The following RPA1 variants were observed in gnomAD, a reference collection of about 807,000 sequenced individuals.
The protein encoded by RPA1 is replication protein A1.
A neutral mutation model predicts 83.0 loss-of-function variants in RPA1; 49 were observed. That is an observed-to-expected ratio of 0.59 (90% confidence interval 0.47 to 0.75). The LOEUF is 0.75. RPA1 is among the 30% of genes least tolerant of loss of function. RPA1 has a pLI of 0.00. For missense variants in RPA1, 693 were observed against 776.1 expected (o/e 0.89, Z 1.27); for synonymous variants, 279 against 281.8 (o/e 0.99, Z 0.10).
At chr17:1,830,365 A>G (rs560520067) in intron 1 of RPA1, among the ~76,000 whole-genome samples, 1 of 152,302 alleles carries the variant, frequency 6.6e-6, no homozygotes, top group Admixed American at 6.5e-5. Flanking sequence ...CAAACTAAAT[A>G]AACGCTTGCC....
intron 1 of RPA1, among the ~76,000 whole-genome samples, chr17:1,838,471 C>T (rs1911908553): frequency 1.3e-5 from 2 of 151,598 alleles, no homozygotes; most frequent in African/African-American, 2.4e-5. Flanking sequence ...GGCGTGGTGG[C>T]GCATGCCTGT....
chr17:1,830,369 G>A (rs137953730), intron 1 of RPA1, among the ~76,000 whole-genome samples: 14 of 152,160 alleles, frequency 9.2e-5, no homozygotes, highest in African/African-American at 3.4e-4. Context: ...CTAAATAAAC[G>A]CTTGCCTTTC....
intron 1 of RPA1, among the ~76,000 whole-genome samples, chr17:1,841,153 A>G (rs1234327062): frequency 6.6e-6 from 1 of 152,232 alleles, no homozygotes; most frequent in Non-Finnish European, 1.5e-5. Context: ...TATTGCTAGT[A>G]TATTGAAATA....
chr17:1,893,956 G>T (rs2151292948), intron 15 of RPA1, among the ~76,000 whole-genome samples: 1 of 151,798 alleles, frequency 6.6e-6, no homozygotes, highest in Non-Finnish European at 1.5e-5. Context: ...AAACTCTTGG[G>T]CTCAGACAGT....
chr17:1,888,599 G>A (rs1914082279), intron 13 of RPA1, 76 bp from the exon 14 acceptor site: 1 of 1,465,168 alleles, frequency 6.8e-7, no homozygotes, highest in East Asian at 2.3e-5. Flanking sequence ...CGTAAGGGCA[G>A]GCTTTGAGCT....
Position 1,883,722 on chromosome 17 carries a change from T to C in RPA1, c.1242-90T>C, listed in dbSNP as rs1913885990. 16 of 1,569,000 alleles carry C rather than the reference T, an allele frequency of 1.0e-5. No individual in the cohort carries two copies. The South Asian group carries it at 1.6e-4, about 16-fold the overall frequency. On this transcript the variant is annotated intron_variant, in intron 12 of 16. Coordinates refer to ENST00000254719, the MANE Select transcript of RPA1 (RefSeq NM_002945.5). ...AAAGCTGGGCGGGTGGTGGGAAACC[T>C]GTGTCTGTCGCGTAGCAGCAAGTTG...
chr17:1,880,753 C>T (rs893208231), intron 12 of RPA1, 62 bp downstream of exon 12: 10 of 1,595,562 alleles, frequency 6.3e-6, no homozygotes, highest in African/African-American at 1.3e-5. Context: ...AAGCTGGTTA[C>T]AATCAGCATG....
intron 1 of RPA1, among the ~76,000 whole-genome samples, chr17:1,841,551 G>T (rs1300532599): frequency 2.0e-5 from 3 of 152,130 alleles, no homozygotes; most frequent in Non-Finnish European, 4.4e-5. Flanking sequence ...TGATTTGCCC[G>T]CCACAGCCTC....
At chr17:1,878,265 C>T (rs1189604078) in intron 8 of RPA1, among the ~76,000 whole-genome samples, 1 of 152,104 alleles carries the variant, frequency 6.6e-6, no homozygotes, top group Non-Finnish European at 1.5e-5. Context: ...AAATGTACTT[C>T]AGCATTCTTT....
At chr17:1,861,852 G>T (rs149432539) in intron 5 of RPA1, among the ~76,000 whole-genome samples, 1 of 151,768 alleles carries the variant, frequency 6.6e-6, no homozygotes, top group East Asian at 1.9e-4. Context: ...AGCCTCCTCA[G>T]TAGCTGGGAT....
intron 15 of RPA1, among the ~76,000 whole-genome samples, chr17:1,893,815 G>A (rs1251058435): frequency 6.6e-6 from 1 of 151,880 alleles, no homozygotes; most frequent in Non-Finnish European, 1.5e-5. Flanking sequence ...TAAATACAGA[G>A]GCTGAAATCA....
At position 1,883,948 on chromosome 17, in the gene RPA1, C is replaced by G. The variant is rs201146359; in HGVS notation, c.1374+4C>G. The G allele has an allele frequency of 6.2e-7, 1 of 1,613,504 alleles. No homozygotes were observed. The highest frequency in any genetic ancestry group is 1.3e-5 in the African/African-American group (1 of 74,984). On this transcript the variant is annotated splice_donor_region_variant and intron_variant, in intron 13 of 16. Transcript: ENST00000254719. ...GAACCTGGGCCAAGGCGACAAGGTA[C>G]CCAGCATTCCTAACCACCTTCACAA...
chr17:1,883,784 C>T lies in RPA1; in HGVS notation c.1242-28C>T, dbSNP rs200801007. On this transcript the variant is annotated intron_variant, in intron 12 of 16. Transcript: ENST00000254719. The stretch of plus-strand genomic sequence containing the variant: ...GCAGAAGCATGTCACATCAAGCGCT[C>T]GTCATCGTTATTCGTTCACGTTTTC... The T allele has an allele frequency of 2.0e-3, 3,283 of 1,613,356 alleles. 5 individuals are homozygous for T. The highest frequency in any genetic ancestry group is 2.6e-3 in the Non-Finnish European group (3,053 of 1,179,462).
intron 2 of RPA1, 107 bp from the exon 3 acceptor site, chr17:1,843,813 C>A: frequency 1.3e-6 from 1 of 777,154 alleles, no homozygotes; most frequent in Non-Finnish European, 2.2e-6. Flanking sequence ...AATGGGCAAA[C>A]AGTTTGTGTT....
chr17:1,838,119 C>T (rs192967926), intron 1 of RPA1, among the ~76,000 whole-genome samples: 1 of 151,156 alleles, frequency 6.6e-6, no homozygotes, highest in Admixed American at 6.6e-5. Context: ...TGGAGAAATC[C>T]CGTCTCTACT....
chr17:1,881,009 G>A (rs1913774067), intron 12 of RPA1, among the ~76,000 whole-genome samples: 2 of 152,242 alleles, frequency 1.3e-5, no homozygotes, highest in African/African-American at 4.8e-5. Context: ...TTTCTTTCCA[G>A]GGTTTAGGCT....
intron 5 of RPA1, among the ~76,000 whole-genome samples, chr17:1,855,360 TG>T (rs1567809451): frequency 0.21 from 30,649 of 147,346 alleles, 3,249 homozygotes; most frequent in Admixed American, 0.24. Flanking sequence ...TGTGTGTGTG[TG>T]TGTGTTTAGT....
chr17:1,880,520 T>C (rs1388813662), intron 11 of RPA1, 23 bp from the exon 12 acceptor site: 1 of 1,609,338 alleles, frequency 6.2e-7, no homozygotes, highest in East Asian at 2.2e-5. Flanking sequence ...GACACTTGTA[T>C]ATGTCTGGTG....
intron 13 of RPA1, among the ~76,000 whole-genome samples, chr17:1,885,376 T>C (rs1440140119): frequency 6.6e-6 from 1 of 152,184 alleles, no homozygotes; most frequent in Non-Finnish European, 1.5e-5. Context: ...CACCAAAGTC[T>C]TGAAGCCTCA....
Sources: allele counts gnomAD v4.1 joint callset (sites outside exome capture counted in the v4.1 genomes callset), GRCh38; gene constraint gnomAD v4.1.1; transcripts MANE v1.5; gene names NCBI Gene and HGNC (gene_info 2026-07-23, HGNC 2026-07-21).